The following CADM2 variants were observed in gnomAD, a reference collection of about 807,000 sequenced individuals.
The protein encoded by CADM2 is cell adhesion molecule 2.
CADM2 carries 12 observed loss-of-function variants against 49.8 expected under a neutral mutation model. That is an observed-to-expected ratio of 0.24 (90% CI 0.15 to 0.39). The LOEUF (loss-of-function observed/expected upper bound fraction) is 0.39, where lower values mean the gene tolerates loss of function less well. Among genes scored for constraint, CADM2 ranks in the 10% least tolerant of loss-of-function variants. The pLI, the probability that CADM2 is intolerant of heterozygous loss-of-function variation, is 1.00. For synonymous variants in CADM2, 214 were observed against 175.4 expected, an observed-to-expected ratio of 1.22 and a Z score of -1.74; for missense variants, 378 against 492.3, an observed-to-expected ratio of 0.77 and a Z score of 2.20.
chr3:85,911,677 A>G (rs1717612108), intron 5 of CADM2, among the ~76,000 whole-genome samples: 1 of 152,160 alleles, frequency 6.6e-6, no homozygotes, highest in Non-Finnish European at 1.5e-5. Context: ...ATAGCCATAT[A>G]GTTGTAAATT....
intron 1 of CADM2, among the ~76,000 whole-genome samples, chr3:85,576,859 C>T (rs2062645563): frequency 6.6e-6 from 1 of 152,108 alleles, no homozygotes; most frequent in Non-Finnish European, 1.5e-5. Context: ...CTTTTATTCT[C>T]TATTCATGTG....
chr3:85,948,843 T>C (rs1206307828), intron 7 of CADM2, among the ~76,000 whole-genome samples: 4 of 151,550 alleles, frequency 2.6e-5, no homozygotes, highest in Admixed American at 6.6e-5. Context: ...AGGAGGGCTC[T>C]AAAGCCCAAG....
intron 1 of CADM2, among the ~76,000 whole-genome samples, chr3:84,971,297 T>C (rs1353263154): frequency 6.6e-6 from 1 of 152,140 alleles, no homozygotes; most frequent in African/African-American, 2.4e-5. Flanking sequence ...GCACAAAAAG[T>C]ATTGATTTTA....
chr3:85,325,688 CAAAAAAA>C (rs35096319), intron 1 of CADM2, among the ~76,000 whole-genome samples: 2 of 92,696 alleles, frequency 2.2e-5, no homozygotes, highest in Non-Finnish European at 4.9e-5. Context: ...AAGACTCCAT[CAAAAAAA>C]AAAAAAAAAA....
intron 3 of CADM2, among the ~76,000 whole-genome samples, chr3:85,844,940 G>A (rs989510823): frequency 3.3e-5 from 5 of 151,716 alleles, no homozygotes; most frequent in East Asian, 1.9e-4. Context: ...ACGTTAAAGC[G>A]AGGAGTTTGA....
intron 1 of CADM2, among the ~76,000 whole-genome samples, chr3:85,193,390 T>C (rs1047451595): frequency 4.3e-4 from 66 of 152,142 alleles, no homozygotes; most frequent in Admixed American, 2.4e-3. Context: ...CAGATCTATC[T>C]AAAAAATTGT....
intron 3 of CADM2, among the ~76,000 whole-genome samples, chr3:85,864,571 C>A (rs1019319048): frequency 1.3e-5 from 2 of 152,164 alleles, no homozygotes; most frequent in African/African-American, 4.8e-5. Flanking sequence ...TGTAACATAT[C>A]TTTGTCTTTT....
chr3:85,678,991 G>A (rs2065963255), intron 1 of CADM2, among the ~76,000 whole-genome samples: 1 of 152,276 alleles, frequency 6.6e-6, no homozygotes, highest in Non-Finnish European at 1.5e-5. Flanking sequence ...AAGAGGCTGA[G>A]GTTGAGAAAC....
chr3:86,042,401 C>T (rs1736065983), intron 8 of CADM2, among the ~76,000 whole-genome samples: 1 of 152,154 alleles, frequency 6.6e-6, no homozygotes, highest in Non-Finnish European at 1.5e-5. Context: ...GGGGATATCA[C>T]TACCGATCCC....
intron 1 of CADM2, among the ~76,000 whole-genome samples, chr3:85,111,260 T>G (rs2038446562): frequency 6.6e-6 from 1 of 151,852 alleles, no homozygotes; most frequent in Non-Finnish European, 1.5e-5. Context: ...AACATTCAAA[T>G]TTATATAACA....
intron 1 of CADM2, among the ~76,000 whole-genome samples, chr3:85,372,119 A>G (rs1357549380): frequency 6.6e-6 from 1 of 152,124 alleles, no homozygotes; most frequent in East Asian, 1.9e-4. Context: ...CTGAAGAAAA[A>G]TTGGTGCCAT....
intron 2 of CADM2, among the ~76,000 whole-genome samples, chr3:85,742,395 C>A (rs1032370622): frequency 4.6e-5 from 7 of 152,146 alleles, no homozygotes; most frequent in African/African-American, 1.7e-4. Flanking sequence ...CTAAATAGGT[C>A]ACTCACTGTC....
At position 85,599,780 on chromosome 3, in the gene CADM2, A is replaced by G. The variant is rs140391389; in HGVS notation, c.62-126742A>G. Among the ~76,000 whole-genome samples the G allele has an allele frequency of 1.5e-3, 222 of 152,104 alleles. 6 individuals are homozygous for G. In the East Asian group the frequency reaches 0.038, roughly 26 times the overall value. On this transcript the variant is annotated intron_variant, in intron 1 of 9. Coordinates refer to ENST00000383699, the MANE Select transcript of CADM2 (RefSeq NM_001167675.2). ...AAATGTTCTAGAGAACAGCAAAAAT[A>G]ACGATAAATTTTAAAAAATATTTTA...
intron 1 of CADM2, among the ~76,000 whole-genome samples, chr3:85,695,746 A>G (rs1247775089): frequency 1.3e-5 from 2 of 152,014 alleles, no homozygotes; most frequent in Non-Finnish European, 2.9e-5. Flanking sequence ...TTTTGATGTA[A>G]TGACTTTTTT....
intron 8 of CADM2, among the ~76,000 whole-genome samples, chr3:85,981,844 C>G (rs1727524460): frequency 6.6e-6 from 1 of 151,514 alleles, no homozygotes; most frequent in Admixed American, 6.6e-5. Flanking sequence ...TATGGTAGAA[C>G]AATTTATATT....
chr3:85,493,839 C>A (rs2039776348), intron 1 of CADM2, among the ~76,000 whole-genome samples: 1 of 152,172 alleles, frequency 6.6e-6, no homozygotes, highest in African/African-American at 2.4e-5. Context: ...CACTCAAGAA[C>A]ATCCCTGTGT....
intron 1 of CADM2, among the ~76,000 whole-genome samples, chr3:85,417,325 T>C (rs1576515684): frequency 6.6e-6 from 1 of 152,278 alleles, no homozygotes; most frequent in Non-Finnish European, 1.5e-5. Context: ...ATACTCCAGT[T>C]TCTATGCTAC....
chr3:85,855,612 T>TAAAAC lies in CADM2; in HGVS notation c.239-27678_239-27677insAAACA, dbSNP rs1386782615. ...TATATATATATAAAACATATATATA[T>TAAAAC]ATATAAAACATATATATATATATAT... is the stretch of plus-strand genomic sequence containing the variant. On this transcript the variant is annotated intron_variant, in intron 3 of 9. Coordinates refer to ENST00000383699, the MANE Select transcript of CADM2 (RefSeq NM_001167675.2). 3.2e-3 allele frequency among the ~76,000 whole-genome samples: 163 copies of TAAAAC among 50,504 alleles called. 4 individuals are homozygous for TAAAAC. Among genetic ancestry groups the TAAAAC allele is most frequent in the East Asian group, 4.1e-3 (4 of 984 alleles). The allele number at this position is 50,504 out of a possible 152,430, so 33.1% of individuals were successfully genotyped here. A position where few individuals can be genotyped will look rare whatever the true frequency, so the allele number is the denominator to read the frequency against.
At chr3:85,333,926 G>A (rs138196956) in intron 1 of CADM2, among the ~76,000 whole-genome samples, 27 of 151,784 alleles carry the variant, frequency 1.8e-4, no homozygotes, top group South Asian at 8.3e-4. Context: ...AAATCTTACC[G>A]TGTACAATTC....
Sources: gnomAD v4.1 joint callset for allele counts (sites outside exome capture counted in the v4.1 genomes callset) on GRCh38, gnomAD v4.1.1 for gene constraint, MANE v1.5 for transcripts, NCBI Gene and HGNC (gene_info 2026-07-23, HGNC 2026-07-21) for gene names.